CYBB: variants seen among roughly 807,000 people sequenced by gnomAD.
CYBB encodes the protein cytochrome b-245 beta chain.
CYBB carries 5 observed loss-of-function variants against 46.5 expected under a neutral mutation model. The observed-to-expected ratio is 0.11, with a 90% CI of 0.06 to 0.23. The LOEUF is 0.23. CYBB is among the 10% of genes least tolerant of loss of function. The probability of loss-of-function intolerance (pLI) is 1.00; values close to 1 mark genes in which losing one functional copy is unlikely to be tolerated. For synonymous variants in CYBB, 183 were observed against 156.7 expected, an observed-to-expected ratio of 1.17 and a Z score of -1.26; for missense variants, 307 against 428.3, an observed-to-expected ratio of 0.72 and a Z score of 2.50.
chrX:37,785,393 T>C (rs965524451), intron 3 of CYBB, among the ~76,000 whole-genome samples: 8 of 112,427 alleles, frequency 7.1e-5, no homozygotes, highest in Non-Finnish European at 1.3e-4. Context: ...GTATTAAACA[T>C]TGATTACAAG....
At chrX:37,781,733 GTTCCC>G (rs1207657770) in intron 1 of CYBB, among the ~76,000 whole-genome samples, 1 of 111,415 alleles carries the variant, frequency 9.0e-6, no homozygotes, top group African/African-American at 3.3e-5. Flanking sequence ...ATAGTAATAT[GTTCCC>G]TTCCTTTCTC....
chrX:37,795,975 G>A lies in CYBB; in HGVS notation c.508G>A (p.Ala170Thr). The A allele has an allele frequency of 8.4e-7, 1 of 1,186,516 alleles. No individual in the cohort carries two copies. The highest frequency in any genetic ancestry group is 1.1e-6 in the Non-Finnish European group (1 of 880,372). ...IKNPEGGLYL[A>T]VTLLAGITGV... ...GAACCCTGAAGGAGGCCTGTACCTG[G>A]CTGTGACCCTGTTGGCAGGCATCAC... Residue 170 changes from alanine to threonine, a missense_variant, in exon 6 of 13, where the codon GCT (alanine) becomes ACT (threonine). This residue lies in a region of CYBB where 103 missense variants were observed against 150.2 expected (regional missense o/e 0.69). Transcript: ENST00000378588.
chrX:37,793,902 A>T (rs1929248461), intron 5 of CYBB, 92 bp downstream of exon 5: 1 of 931,749 alleles, frequency 1.1e-6, no homozygotes, highest in Non-Finnish European at 1.5e-6. Context: ...TTTGCCAAAA[A>T]AAAAAAAAGT....
intron 6 of CYBB, chrX:37,798,294 A>T (rs1929358922): frequency 8.9e-6 from 1 of 112,566 alleles, no homozygotes; most frequent in Admixed American, 9.4e-5. Flanking sequence ...TTGAATTGAA[A>T]TGAATGGGCT....
intron 7 of CYBB, among the ~76,000 whole-genome samples, chrX:37,800,680 T>A (rs782294517): frequency 9.0e-6 from 1 of 111,499 alleles, no homozygotes; most frequent in East Asian, 2.8e-4. Context: ...ACACTGCATG[T>A]TCTGACCCAA....
At chrX:37,808,004 G>A (rs781904125) in intron 11 of CYBB, among the ~76,000 whole-genome samples, 1 of 112,250 alleles carries the variant, frequency 8.9e-6, no homozygotes, top group African/African-American at 3.2e-5. Flanking sequence ...TTGTAAGTAA[G>A]CAAACGTTAA....
chrX:37,810,865 C>CT lies in CYBB; in HGVS notation c.1662dup (p.Glu555Ter), dbSNP rs1453468510. ...CTGAGTAAACAAAGCATCTCCAACT[C>CT]TGAGTCTGGCCCTCGGGGAGTGCAT... On this transcript the variant is annotated frameshift_variant, in exon 13 of 13. Coordinates refer to ENST00000378588, the MANE Select transcript of CYBB (RefSeq NM_000397.4). LOFTEE classifies it high-confidence loss of function. The CT allele has an allele frequency of 8.3e-7, 1 of 1,207,688 alleles. No individual in the cohort carries two copies.
chrX:37,805,417 A>G (rs1271424788), intron 10 of CYBB, among the ~76,000 whole-genome samples: 1 of 112,283 alleles, frequency 8.9e-6, no homozygotes, highest in Non-Finnish European at 1.9e-5. Context: ...TTCAGAAGAA[A>G]GAAAGTTGGG....
chrX:37,784,188 A>G (rs1366561709), intron 3 of CYBB, among the ~76,000 whole-genome samples: 1 of 112,046 alleles, frequency 8.9e-6, no homozygotes, highest in Non-Finnish European at 1.9e-5. Flanking sequence ...AGTAGGAAGA[A>G]TCTCTGTAAC....
chrX:37,806,342 G>C (rs782151155), intron 10 of CYBB, 45 bp from the exon 11 acceptor site: 1 of 1,193,720 alleles, frequency 8.4e-7, no homozygotes, highest in African/African-American at 1.8e-5. Context: ...AATGCTGATA[G>C]GGCCTGCCAA....
At chrX:37,787,124 G>C (rs1244012498) in intron 3 of CYBB, among the ~76,000 whole-genome samples, 1 of 111,674 alleles carries the variant, frequency 9.0e-6, no homozygotes, top group Non-Finnish European at 1.9e-5. Flanking sequence ...GTGTTAACAG[G>C]AGAGACAGAG....
At chrX:37,797,306 C>T (rs1198678958) in intron 6 of CYBB, among the ~76,000 whole-genome samples, 6 of 112,027 alleles carry the variant, frequency 5.4e-5, no homozygotes, top group Non-Finnish European at 1.1e-4. Context: ...GTCATAATCC[C>T]GTGTTTCAGG....
rs1556471610 is a variant in CYBB at position 37,806,371 on chromosome X, T to G, written c.1315-16T>G. 7 of 1,208,137 alleles carry G rather than the reference T, an allele frequency of 5.8e-6. No individual in the cohort carries two copies. The highest frequency in any genetic ancestry group is 7.8e-6 in the Non-Finnish European group (7 of 893,629). ...CTGCCAAATATAATCTGCTTCATGA[T>G]CCACCCCATTTTCAGATCTACTTCT... On this transcript the variant is annotated splice_polypyrimidine_tract_variant and intron_variant, in intron 10 of 12. Transcript: ENST00000378588.
chrX:37,803,732 A>G, intron 8 of CYBB, 145 bp from the exon 9 acceptor site: 1 of 569,951 alleles, frequency 1.8e-6, no homozygotes, highest in Non-Finnish European at 3.0e-6. Context: ...CCTGTGACAG[A>G]CACATCTGCT....
intron 11 of CYBB, among the ~76,000 whole-genome samples, chrX:37,809,331 C>T (rs1186312754): frequency 2.7e-5 from 3 of 111,862 alleles, no homozygotes; most frequent in African/African-American, 9.8e-5. Flanking sequence ...GCTTGTGCCT[C>T]CTTCATGACA....
rs983940115 is a variant in CYBB, at chrX:37,811,443, A to G, written c.*526A>G. The G allele has an allele frequency of 3.1e-5, 4 of 128,477 alleles. No individual in the cohort carries two copies. Among genetic ancestry groups the G allele is most frequent in the African/African-American group, 6.5e-5 (2 of 30,864 alleles). 10.6% of individuals were successfully genotyped at this position (128,477 alleles called of 1,213,427 possible). ...GAAGGAAATTTTCCAGATCATTAGG[A>G]CATAATACATGTTGAGAGTGTCTCA... On this transcript the variant is annotated 3_prime_UTR_variant, in exon 13 of 13. Transcript: ENST00000378588.
chrX:37,806,644 G>A (rs1257496883), intron 11 of CYBB, 111 bp downstream of exon 11: 2 of 728,660 alleles, frequency 2.7e-6, no homozygotes, highest in East Asian at 7.0e-5. Context: ...TATGTTTAGT[G>A]GATTTGGTGA....
intron 11 of CYBB, 74 bp from the exon 12 acceptor site, chrX:37,809,493 G>A: frequency 1.8e-6 from 2 of 1,112,712 alleles, no homozygotes; most frequent in East Asian, 3.3e-5. Flanking sequence ...AATAGCTTGT[G>A]AAGGATGTAA....
chrX:37,784,485 A>G (rs1471508046), intron 3 of CYBB, among the ~76,000 whole-genome samples: 1 of 111,629 alleles, frequency 9.0e-6, no homozygotes, highest in African/African-American at 3.3e-5. Flanking sequence ...TGTGGAGAAG[A>G]TGGCATGGAC....
Sources: allele counts gnomAD v4.1 joint callset (sites outside exome capture counted in the v4.1 genomes callset), GRCh38; gene constraint gnomAD v4.1.1; regional missense constraint gnomAD v4.1.1; transcripts MANE v1.5; gene names NCBI Gene and HGNC (gene_info 2026-07-23, HGNC 2026-07-21).